Variants in FGF2 observed in about 807,000 individuals in gnomAD.
FGF2 encodes basic fibroblast growth factor bFGF.
In FGF2, 13 loss-of-function variants were observed where a neutral mutation model predicts 15.9. The ratio of observed to expected loss-of-function variants is 0.82; its 90% CI spans 0.53 to 1.30. The LOEUF is 1.30. Among genes scored for constraint, FGF2 ranks in the 50% most tolerant of loss-of-function variants. FGF2 has a pLI of 0.00. For missense variants in FGF2, 163 were observed against 196.9 expected (o/e 0.83, Z 1.03); for synonymous variants, 90 against 78.4 (o/e 1.15, Z -0.78).
At position 122,842,687 on chromosome 4, in the gene FGF2, T is replaced by C. The variant is rs775081983; in HGVS notation, c.178+15335T>C. Among the ~76,000 whole-genome samples, 4 of 152,340 alleles carry C rather than the reference T, an allele frequency of 2.6e-5. No homozygotes were observed. The South Asian group carries it at 6.2e-4, about 24-fold the overall frequency. On this transcript the variant is annotated intron_variant, in intron 1 of 2. Transcript: ENST00000644866. ...GTGGTAACTATGTTGGGTCTAGTTATGCTTTTCCTTAGCAGCCAGCTTATT... is the reference window on the plus strand; with the variant it reads ...GTGGTAACTATGTTGGGTCTAGTTACGCTTTTCCTTAGCAGCCAGCTTATT...
chr4:122,865,795 G>A (rs1199639456), intron 1 of FGF2, among the ~76,000 whole-genome samples: 2 of 152,182 alleles, frequency 1.3e-5, no homozygotes, highest in Admixed American at 6.5e-5. Flanking sequence ...CAGATGTTGG[G>A]TGTAGTGATC....
intron 1 of FGF2, among the ~76,000 whole-genome samples, chr4:122,833,033 A>G (rs1725795068): frequency 6.6e-6 from 1 of 152,228 alleles, no homozygotes; most frequent in Non-Finnish European, 1.5e-5. Context: ...GTTTGAAGAA[A>G]TTGGAAGGGC....
At chr4:122,861,023 T>A (rs996969221) in intron 1 of FGF2, among the ~76,000 whole-genome samples, 1 of 152,114 alleles carries the variant, frequency 6.6e-6, no homozygotes, top group Non-Finnish European at 1.5e-5. Context: ...TGCATATACG[T>A]ATCTTCCTGC....
intron 1 of FGF2, among the ~76,000 whole-genome samples, chr4:122,839,872 C>T (rs1725941462): frequency 6.6e-6 from 1 of 152,136 alleles, no homozygotes; most frequent in Non-Finnish European, 1.5e-5. Context: ...AATTTATCTT[C>T]TTATAGTTCT....
chr4:122,845,767 T>C (rs953207811), intron 1 of FGF2, among the ~76,000 whole-genome samples: 1 of 152,260 alleles, frequency 6.6e-6, no homozygotes, highest in African/African-American at 2.4e-5. Flanking sequence ...ATGTTGTGGC[T>C]GTTTGGATCT....
rs1379262311 is a variant in FGF2 at position 122,827,518 on chromosome 4, C to T, written c.178+166C>T. 6.6e-6 allele frequency among the ~76,000 whole-genome samples: 1 copy of T among 152,172 alleles called. No individual in the cohort carries two copies. The highest frequency in any genetic ancestry group is 1.5e-5 in the Non-Finnish European group (1 of 68,028). ...CGGTTTCGGGTTCACCACTCACCCC[C>T]TCCTTTCCGGGCTGCGGCGTAGGCC... On this transcript the variant is annotated intron_variant, in intron 1 of 2. Transcript: ENST00000644866. The surrounding 1 kb of genome is among the most constrained non-coding windows in gnomAD (Gnocchi z 4.2).
At chr4:122,881,021 G>A (rs757807216) in intron 2 of FGF2, among the ~76,000 whole-genome samples, 5 of 152,176 alleles carry the variant, frequency 3.3e-5, no homozygotes, top group Non-Finnish European at 7.3e-5. Context: ...TGTGGAAGCT[G>A]CCAAGGCTTG....
At position 122,827,193 on chromosome 4, in the gene FGF2, A is replaced by G. The variant is rs1725658210; in HGVS notation, c.19A>G (p.Thr7Ala). 2 of 1,599,104 alleles carry G rather than the reference A, an allele frequency of 1.3e-6. No individual in the cohort carries two copies. Among genetic ancestry groups the G allele is most frequent in the Non-Finnish European group, 8.5e-7 (1 of 1,174,748 alleles). MAAGSI[T>A]TLPALPEDGG... ...AGGGACCATGGCAGCCGGGAGCATC[A>G]CCACGCTGCCCGCCTTGCCCGAGGA... Residue 7 changes from threonine (T) to alanine (A), a missense_variant, in exon 1 of 3, where the codon ACC (threonine) becomes GCC (alanine). By Grantham distance (58) the Thr-to-Ala change is moderately conservative (BLOSUM62 0). Transcript: ENST00000644866. The surrounding 1 kb of genome is among the most constrained non-coding windows in gnomAD (Gnocchi z 4.2).
At chr4:122,881,183 AC>A (rs1726954230) in intron 2 of FGF2, among the ~76,000 whole-genome samples, 1 of 151,476 alleles carries the variant, frequency 6.6e-6, no homozygotes, top group African/African-American at 2.4e-5. Flanking sequence ...TTCCTTGTAA[AC>A]CTCTGGGCCT....
chr4:122,871,245 G>C (rs1726724429), intron 1 of FGF2, among the ~76,000 whole-genome samples: 1 of 151,948 alleles, frequency 6.6e-6, no homozygotes, highest in Non-Finnish European at 1.5e-5. Context: ...CCAAATACGT[G>C]GTCGGTTTTA....
Position 122,862,043 on chromosome 4 carries a change from C to T in FGF2, c.179-14278C>T, listed in dbSNP as rs142402445. ...CTTACAGTATTGAGCTTTAGTTATCCGTGTACCAGTCCTCATCGCCTCAAC... is the reference window on the plus strand; with the variant it reads ...CTTACAGTATTGAGCTTTAGTTATCTGTGTACCAGTCCTCATCGCCTCAAC... On this transcript the variant is annotated intron_variant, in intron 1 of 2. Transcript: ENST00000644866. Among the ~76,000 whole-genome samples, 6 of 152,180 alleles carry T rather than the reference C, an allele frequency of 3.9e-5. No individual in the cohort carries two copies. The South Asian group carries it at 6.2e-4, about 16-fold the overall frequency.
chr4:122,834,039 C>T (rs1484922690), intron 1 of FGF2, among the ~76,000 whole-genome samples: 3 of 152,150 alleles, frequency 2.0e-5, no homozygotes, highest in African/African-American at 7.2e-5. Context: ...AAAGATTAGG[C>T]TCACAGACAC....
At chr4:122,833,458 C>T (rs1320653095) in intron 1 of FGF2, among the ~76,000 whole-genome samples, 2 of 152,032 alleles carry the variant, frequency 1.3e-5, no homozygotes, top group South Asian at 2.1e-4. Context: ...TAAATGATAA[C>T]TCAAATTAGC....
chr4:122,872,204 C>T (rs1371689515), intron 1 of FGF2, among the ~76,000 whole-genome samples: 1 of 152,088 alleles, frequency 6.6e-6, no homozygotes, highest in African/African-American at 2.4e-5. Flanking sequence ...CTGAAAAACA[C>T]AGCATGAGAA....
upstream of FGF2, chr4:122,826,761 T>C: frequency 7.7e-7 from 1 of 1,294,674 alleles, no homozygotes; most frequent in Non-Finnish European, 9.9e-7. Context: ...GGAGGAGAAC[T>C]GGGGGCGCGG....
At chr4:122,851,695 A>T (rs1726235698) in intron 1 of FGF2, among the ~76,000 whole-genome samples, 1 of 152,154 alleles carries the variant, frequency 6.6e-6, no homozygotes, top group South Asian at 2.1e-4. Context: ...AAGTAGAGAA[A>T]ATGCAAAAGT....
At chr4:122,840,741 A>C (rs918741847) in intron 1 of FGF2, 3 of 152,906 alleles carry the variant, frequency 2.0e-5, no homozygotes, top group African/African-American at 7.2e-5. Context: ...GAAAAAAATA[A>C]AATGAAAATT....
In FGF2 at chr4:122,827,019, C is replaced by G. The variant is rs1243274699; in HGVS notation, c.-156C>G. ...GCCGAGCGGCTCGAGGCTGGGGGAC[C>G]GCGGGCGCGGCCGCGCGCTGCCGGG... On this transcript the variant is annotated 5_prime_UTR_variant, in exon 1 of 3. Coordinates refer to ENST00000644866, the MANE Select transcript of FGF2 (RefSeq NM_001361665.2). This position sits in a 1 kb window ranked among gnomAD's most constrained non-coding sequence, Gnocchi z 4.2. 3 of 1,201,094 alleles carry G rather than the reference C, an allele frequency of 2.5e-6. No individual in the cohort carries two copies. The highest frequency in any genetic ancestry group is 3.1e-6 in the Non-Finnish European group (3 of 969,044). 74.4% of individuals were successfully genotyped at this position (1,201,094 alleles called of 1,614,324 possible). A position where few individuals can be genotyped will look rare whatever the true frequency, so the allele number is the denominator to read the frequency against.
intron 1 of FGF2, among the ~76,000 whole-genome samples, chr4:122,832,861 C>T (rs150889938): frequency 3.3e-5 from 5 of 152,188 alleles, no homozygotes; most frequent in South Asian, 2.1e-4. Context: ...TAATAATGAC[C>T]GCCAACAAGG....
Sources: allele counts gnomAD v4.1 joint callset (sites outside exome capture counted in the v4.1 genomes callset), GRCh38; gene constraint gnomAD v4.1.1; non-coding constraint Gnocchi (gnomAD v3.1); transcripts MANE v1.5; gene names NCBI Gene and HGNC (gene_info 2026-07-23, HGNC 2026-07-21).